JPH3: variants seen among roughly 807,000 people sequenced by gnomAD.
JPH3 encodes junctophilin-3.
Under a neutral mutation model 59.6 loss-of-function variants are expected in JPH3, and 11 were observed. The ratio of observed to expected loss-of-function variants is 0.18; its 90% confidence interval spans 0.12 to 0.31. The LOEUF is 0.31. Among genes scored for constraint, JPH3 ranks in the 10% least tolerant of loss-of-function variants. The probability of loss-of-function intolerance (pLI) is 1.00; values close to 1 mark genes in which losing one functional copy is unlikely to be tolerated. For missense variants in JPH3, 1,202 were observed against 1,105.7 expected (o/e 1.09, Z -1.24); for synonymous variants, 673 against 483.6 (o/e 1.39, Z -5.14).
At chr16:87,655,392 C>T (rs924715785) in intron 2 of JPH3, among the ~76,000 whole-genome samples, 12 of 152,166 alleles carry the variant, frequency 7.9e-5, no homozygotes, top group South Asian at 4.1e-4. Flanking sequence ...TCTGCTCTGT[C>T]CCCCGGGCTG....
chr16:87,694,196 C>G (rs1158815138), intron 4 of JPH3: 1 of 152,488 alleles, frequency 6.6e-6, no homozygotes, highest in Non-Finnish European at 1.5e-5. Flanking sequence ...CACAGGGCCT[C>G]AGCCACAGGG....
At chr16:87,672,330 G>A (rs185961588) in intron 2 of JPH3, among the ~76,000 whole-genome samples, 1 of 152,176 alleles carries the variant, frequency 6.6e-6, no homozygotes, top group South Asian at 2.1e-4. Context: ...ATGGTCCCAG[G>A]CTAACGGGCT....
At position 87,694,789 on chromosome 16, in the gene JPH3, C is replaced by T. The variant is rs184211002; in HGVS notation, c.2167-1791C>T. ...AGATCAGCTCCATCACCTTAAACCT[C>T]AGGGCCATTGAGCAGGCACTTGCTG... On this transcript the variant is annotated intron_variant, in intron 4 of 4. Transcript: ENST00000284262. The T allele has an allele frequency of 7.6e-4, 144 of 189,956 alleles. 1 individual carries two copies. Among genetic ancestry groups the T allele is most frequent in the African/African-American group, 3.3e-3 (141 of 42,210 alleles). The allele number at this position is 189,956 out of a possible 1,614,324, so 11.8% of individuals were successfully genotyped here.
chr16:87,631,826 A>G (rs552127766), intron 1 of JPH3, among the ~76,000 whole-genome samples: 4 of 152,172 alleles, frequency 2.6e-5, no homozygotes, highest in African/African-American at 9.6e-5. Context: ...TTACCAAAAT[A>G]TTTCTTTTAG....
At chr16:87,671,696 C>A (rs1037399521) in intron 2 of JPH3, among the ~76,000 whole-genome samples, 2 of 152,072 alleles carry the variant, frequency 1.3e-5, no homozygotes. Flanking sequence ...CTGGGGTCCC[C>A]CACCCCTTGG....
rs914934912 is a variant in JPH3, at chr16:87,614,586, T to C, written c.382+11058T>C. ...GCAGGTCTCTGTACACGTGTGGAGC[T>C]GTCTGTTCCCTCCCAGGATAAACGC... On this transcript the variant is annotated intron_variant, in intron 1 of 4. Transcript: ENST00000284262. Among the ~76,000 whole-genome samples, 9 of 149,334 alleles carry C rather than the reference T, an allele frequency of 6.0e-5. 1 individual carries two copies. Among genetic ancestry groups the C allele is most frequent in the African/African-American group, 1.7e-4 (7 of 40,304 alleles).
At chr16:87,665,185 C>A (rs891795985) in intron 2 of JPH3, among the ~76,000 whole-genome samples, 1 of 152,134 alleles carries the variant, frequency 6.6e-6, no homozygotes, top group Admixed American at 6.5e-5. Flanking sequence ...CAAACTAGAA[C>A]CTTCTCCCCA....
chr16:87,692,098 C>G (rs550943556), intron 4 of JPH3, among the ~76,000 whole-genome samples: 3 of 152,256 alleles, frequency 2.0e-5, no homozygotes, highest in Non-Finnish European at 4.4e-5. Context: ...CTGGAGGTCC[C>G]GTCAGCTGCA....
At chr16:87,638,555 A>G (rs898493467) in intron 1 of JPH3, among the ~76,000 whole-genome samples, 4 of 124,286 alleles carry the variant, frequency 3.2e-5, no homozygotes, top group African/African-American at 1.3e-4. Context: ...CTCCCCTCTG[A>G]GGACAAGGGT....
In JPH3 at chr16:87,612,724, ATAGACTAGAG is replaced by A. The variant is rs776767297; in HGVS notation, c.382+9197_382+9206del. On this transcript the variant is annotated intron_variant, in intron 1 of 4. Transcript: ENST00000284262. ...CATGAAATTAATATAGTACATTAAA[ATAGACTAGAG>A]GCCGGGCGTGGTGGCTCATGCCTGT... 4.9e-4 allele frequency among the ~76,000 whole-genome samples: 75 copies of A among 152,174 alleles called. 1 individual carries two copies. The highest frequency in any genetic ancestry group is 1.3e-4 in the Non-Finnish European group (9 of 68,034).
At chr16:87,662,901 C>T (rs376439955) in intron 2 of JPH3, among the ~76,000 whole-genome samples, 8 of 152,174 alleles carry the variant, frequency 5.3e-5, no homozygotes, top group South Asian at 2.1e-4. Flanking sequence ...GGAAAAGCAC[C>T]GGCTCCTTTC....
intron 2 of JPH3, chr16:87,653,975 T>C (rs1003675761): frequency 6.6e-6 from 1 of 152,228 alleles, no homozygotes; most frequent in African/African-American, 2.4e-5. Flanking sequence ...GGCAACAGAA[T>C]GGCAGAGTGG....
At chr16:87,667,536 T>C (rs1021773880) in intron 2 of JPH3, among the ~76,000 whole-genome samples, 2 of 152,160 alleles carry the variant, frequency 1.3e-5, no homozygotes, top group African/African-American at 4.8e-5. Flanking sequence ...TATCTGGTCT[T>C]TGGGGGCCAG....
At chr16:87,642,571 G>C (rs559353390) in intron 1 of JPH3, among the ~76,000 whole-genome samples, 1 of 152,252 alleles carries the variant, frequency 6.6e-6, no homozygotes. Context: ...TCTGCAGCCT[G>C]TGCCACCGTG....
intron 1 of JPH3, among the ~76,000 whole-genome samples, chr16:87,642,704 G>T (rs1248700933): frequency 2.0e-5 from 3 of 152,236 alleles, no homozygotes; most frequent in Non-Finnish European, 4.4e-5. Flanking sequence ...CTTGAGGTTT[G>T]CCGCGTTGGG....
At chr16:87,648,687 CA>C (rs1431500399) in intron 2 of JPH3, among the ~76,000 whole-genome samples, 2 of 152,138 alleles carry the variant, frequency 1.3e-5, no homozygotes, top group African/African-American at 4.8e-5. Flanking sequence ...AGCTGGGACT[CA>C]GCCCAGGGTG....
intron 4 of JPH3, 58 bp downstream of exon 4, chr16:87,690,584 C>G: frequency 3.6e-6 from 5 of 1,408,238 alleles, no homozygotes; most frequent in Non-Finnish European, 4.6e-6. Context: ...TCTCTGCTGA[C>G]CTGGTGTTTC....
intron 2 of JPH3, among the ~76,000 whole-genome samples, chr16:87,666,397 T>TG (rs56272968): frequency 6.6e-6 from 1 of 150,866 alleles, no homozygotes; most frequent in Non-Finnish European, 1.5e-5. Flanking sequence ...CCTATTTTTT[T>TG]TTTTTTCCCT....
chr16:87,691,207 G>A (rs2033564630), intron 4 of JPH3, among the ~76,000 whole-genome samples: 1 of 152,184 alleles, frequency 6.6e-6, no homozygotes, highest in Non-Finnish European at 1.5e-5. Context: ...GAGGCTGGGG[G>A]TCCTGGTGCC....
Sources: allele counts gnomAD v4.1 joint callset (sites outside exome capture counted in the v4.1 genomes callset), GRCh38; gene constraint gnomAD v4.1.1; transcripts MANE v1.5; gene names NCBI Gene and HGNC (gene_info 2026-07-23, HGNC 2026-07-21).